The following NEGR1 variants were observed in gnomAD, a reference collection of about 807,000 sequenced individuals.
The protein encoded by NEGR1 is neuronal growth regulator 1.
Under a neutral mutation model 40.9 loss-of-function variants are expected in NEGR1, and 10 were observed. The observed-to-expected ratio is 0.24, with a 90% CI of 0.15 to 0.42. The LOEUF is 0.42. Ranked by LOEUF, NEGR1 falls within the 10% of genes least tolerant of loss-of-function variation. NEGR1 has a pLI of 1.00. For missense variants in NEGR1, 352 were observed against 438.9 expected, an observed-to-expected ratio of 0.80 and a Z score of 1.77; for synonymous variants, 185 against 166.8, an observed-to-expected ratio of 1.11 and a Z score of -0.84.
intron 6 of NEGR1, among the ~76,000 whole-genome samples, chr1:71,432,739 G>A (rs1646478010): frequency 6.6e-6 from 1 of 152,038 alleles, no homozygotes. Context: ...AATTCATCCA[G>A]GCAATCAATT....
intron 6 of NEGR1, among the ~76,000 whole-genome samples, chr1:71,471,417 G>A (rs2421926): frequency 0.73 from 111,653 of 151,978 alleles, 41,499 homozygotes; most frequent in Non-Finnish European, 0.77. Context: ...AGGCCTTGGC[G>A]GCCAGATCAC....
chr1:71,522,711 C>G (rs185587171), intron 6 of NEGR1, among the ~76,000 whole-genome samples: 4 of 139,470 alleles, frequency 2.9e-5, no homozygotes, highest in African/African-American at 1.0e-4. Flanking sequence ...TGCTATTTTC[C>G]TCCCCTCTAC....
intron 1 of NEGR1, among the ~76,000 whole-genome samples, chr1:72,007,597 G>A (rs931358924): frequency 1.3e-5 from 2 of 151,766 alleles, no homozygotes; most frequent in East Asian, 3.9e-4. Context: ...ATCAAGTACT[G>A]GAAAGAGTAC....
intron 1 of NEGR1, among the ~76,000 whole-genome samples, chr1:71,971,704 G>A (rs771642336): frequency 3.3e-5 from 5 of 152,110 alleles, no homozygotes; most frequent in African/African-American, 4.8e-5. Context: ...CACAATATTT[G>A]ATGTTAAAAT....
intron 1 of NEGR1, among the ~76,000 whole-genome samples, chr1:72,148,359 C>T (rs1008531028): frequency 2.6e-5 from 4 of 152,098 alleles, no homozygotes; most frequent in Non-Finnish European, 4.4e-5. Flanking sequence ...ACATTGGCCC[C>T]TTTCAGTGAT....
At position 71,656,601 on chromosome 1, in the gene NEGR1, AC is replaced by A. The variant is rs2101586984; in HGVS notation, c.667+41406del. Among the ~76,000 whole-genome samples the A allele has an allele frequency of 1.3e-5, 2 of 151,928 alleles. 1 individual carries two copies. The highest frequency in any genetic ancestry group is 4.2e-4 in the South Asian group (2 of 4,792). ...CTAATTTTTTGTATTTTTGGTAGAG[AC>A]GGGGTTTCACCGTGGTCTCGATCTC... is the stretch of plus-strand genomic sequence containing the variant. On this transcript the variant is annotated intron_variant, in intron 4 of 6. Coordinates refer to ENST00000357731, the MANE Select transcript of NEGR1 (RefSeq NM_173808.3).
At chr1:72,079,107 AT>A (rs112068931) in intron 1 of NEGR1, among the ~76,000 whole-genome samples, 6 of 134,418 alleles carry the variant, frequency 4.5e-5, no homozygotes, top group Non-Finnish European at 8.2e-5. Context: ...ATATATATAT[AT>A]ATAATATTAT....
rs191066421 is a variant in NEGR1, at chr1:71,581,660, G to A, written c.940+11157C>T. 1.1e-4 allele frequency among the ~76,000 whole-genome samples: 16 copies of A among 151,196 alleles called. No individual in the cohort carries two copies. In the East Asian group the frequency reaches 1.4e-3, roughly 13 times the overall value. ...TATGGAATTTACAATAAAGATAATTGCATATTTTCTTACTATTTGTAAGTC... is the reference window on the plus strand; with the variant it reads ...TATGGAATTTACAATAAAGATAATTACATATTTTCTTACTATTTGTAAGTC... On this transcript the variant is annotated intron_variant, in intron 6 of 6. Transcript: ENST00000357731.
intron 1 of NEGR1, among the ~76,000 whole-genome samples, chr1:72,096,697 T>C (rs944823687): frequency 1.6e-4 from 24 of 152,084 alleles, no homozygotes; most frequent in Admixed American, 4.6e-4. Flanking sequence ...AGTCTCACAC[T>C]GTCGTCCAGG....
chr1:71,786,230 G>T (rs1656902695), intron 2 of NEGR1, among the ~76,000 whole-genome samples: 1 of 151,990 alleles, frequency 6.6e-6, no homozygotes, highest in Non-Finnish European at 1.5e-5. Flanking sequence ...TTAATATAAT[G>T]CCACCATTTA....
chr1:72,211,482 C>T (rs985477705), intron 1 of NEGR1, among the ~76,000 whole-genome samples: 5 of 151,390 alleles, frequency 3.3e-5, no homozygotes, highest in Admixed American at 2.0e-4. Context: ...ATTTTCTTTC[C>T]GTATCTAACC....
chr1:71,438,023 G>A (rs1325052103), intron 6 of NEGR1, among the ~76,000 whole-genome samples: 1 of 152,150 alleles, frequency 6.6e-6, no homozygotes, highest in Non-Finnish European at 1.5e-5. Flanking sequence ...TATTGTTCTT[G>A]CATCTATTTC....
chr1:71,528,975 G>A (rs868496294), intron 6 of NEGR1, among the ~76,000 whole-genome samples: 25 of 151,028 alleles, frequency 1.7e-4, no homozygotes, highest in Non-Finnish European at 2.8e-4. Flanking sequence ...TTATTTTTAG[G>A]TATAGATGAA....
chr1:71,829,712 C>T lies in NEGR1; in HGVS notation c.410-53415G>A, dbSNP rs116885854. ...AACGAAACAGAAACAAAATATAATACAACAACACAATCAAAAAACGCTGTT... is the reference window on the plus strand; with the variant it reads ...AACGAAACAGAAACAAAATATAATATAACAACACAATCAAAAAACGCTGTT... On this transcript the variant is annotated intron_variant, in intron 2 of 6. Transcript: ENST00000357731. Among the ~76,000 whole-genome samples, 61 of 151,974 alleles carry T rather than the reference C, an allele frequency of 4.0e-4. No individual in the cohort carries two copies. In the East Asian group the frequency reaches 0.011, roughly 28 times the overall value.
chr1:71,795,492 T>A (rs1192825187), intron 2 of NEGR1, among the ~76,000 whole-genome samples: 1 of 152,120 alleles, frequency 6.6e-6, no homozygotes, highest in Non-Finnish European at 1.5e-5. Flanking sequence ...TGAATTGCCA[T>A]CTATACTCAA....
chr1:71,800,765 C>T (rs760659690), intron 2 of NEGR1, among the ~76,000 whole-genome samples: 1 of 152,092 alleles, frequency 6.6e-6, no homozygotes, highest in Non-Finnish European at 1.5e-5. Context: ...TTTCACTAAT[C>T]CTCCCATTCT....
chr1:71,795,389 C>A (rs1165849256), intron 2 of NEGR1, among the ~76,000 whole-genome samples: 1 of 151,974 alleles, frequency 6.6e-6, no homozygotes, highest in Admixed American at 6.6e-5. Context: ...TTGCCCTGGA[C>A]TAAAACAGTG....
chr1:71,602,186 C>T (rs572135113), intron 5 of NEGR1, among the ~76,000 whole-genome samples: 12 of 151,340 alleles, frequency 7.9e-5, no homozygotes, highest in East Asian at 1.9e-4. Context: ...AAAAACCTTC[C>T]GCATAATGCT....
At position 71,861,550 on chromosome 1, in the gene NEGR1, A is replaced by G. The variant is rs1055983940; in HGVS notation, c.409+73529T>C. Among the ~76,000 whole-genome samples, 97 of 152,214 alleles carry G rather than the reference A, an allele frequency of 6.4e-4. 1 individual carries two copies. Among genetic ancestry groups the G allele is most frequent in the Non-Finnish European group, 1.1e-3 (75 of 67,988 alleles). ...TCATGCAGCTTCTTCAACACCAAAG[A>G]ATGCATGAGAAATAAATCTGCATGC... On this transcript the variant is annotated intron_variant, in intron 2 of 6. Coordinates refer to ENST00000357731, the MANE Select transcript of NEGR1 (RefSeq NM_173808.3).
Sources: allele counts gnomAD v4.1 joint callset (sites outside exome capture counted in the v4.1 genomes callset), GRCh38; gene constraint gnomAD v4.1.1; transcripts MANE v1.5; gene names NCBI Gene and HGNC (gene_info 2026-07-23, HGNC 2026-07-21).